SORBS2: variants seen among roughly 807,000 people sequenced by gnomAD.
SORBS2 encodes sorbin and SH3 domain-containing protein 2.
SORBS2 carries 46 observed loss-of-function variants against 97.7 expected under a neutral mutation model. The ratio of observed to expected loss-of-function variants is 0.47; its 90% CI spans 0.37 to 0.60. The LOEUF is 0.60. Ranked by LOEUF, SORBS2 falls within the 20% of genes least tolerant of loss-of-function variation. The pLI, the probability that SORBS2 is intolerant of heterozygous loss-of-function variation, is 0.00. For synonymous variants in SORBS2, 476 were observed against 473.4 expected, an observed-to-expected ratio of 1.01 and a Z score of -0.07; for missense variants, 1,316 against 1,282.3, an observed-to-expected ratio of 1.03 and a Z score of -0.40.
intron 14 of SORBS2, chr4:185,589,004 C>G (rs1292634711): frequency 6.6e-6 from 1 of 152,176 alleles, no homozygotes; most frequent in Non-Finnish European, 1.5e-5. Context: ...CGATGGATGT[C>G]TAGAGTGAGC....
At chr4:185,700,205 TAATTA>T (rs1393920162) in intron 2 of SORBS2, among the ~76,000 whole-genome samples, 6 of 152,218 alleles carry the variant, frequency 3.9e-5, no homozygotes, top group African/African-American at 1.4e-4. Context: ...TTGAAAAATA[TAATTA>T]AATCAATGTC....
intron 1 of SORBS2, among the ~76,000 whole-genome samples, chr4:185,810,556 A>G (rs1035336067): frequency 5.9e-5 from 9 of 152,234 alleles, no homozygotes; most frequent in Non-Finnish European, 1.3e-4. Context: ...TTTCAATAGT[A>G]TTATAAGTGA....
intron 1 of SORBS2, among the ~76,000 whole-genome samples, chr4:185,866,913 T>A (rs1201177820): frequency 8.2e-6 from 1 of 122,330 alleles, no homozygotes; most frequent in African/African-American, 3.3e-5. Context: ...GGACTCTGAG[T>A]TATGAGAAAA....
chr4:185,775,197 A>G (rs2098994185), intron 2 of SORBS2, 30 bp downstream of exon 2: 1 of 152,662 alleles, frequency 6.6e-6, no homozygotes, highest in Non-Finnish European at 1.5e-5. Context: ...CCAGAAAACA[A>G]TTAAATAATT....
chr4:185,827,771 C>CCATCATCACCATCATCACCATCAT, intron 1 of SORBS2, among the ~76,000 whole-genome samples: 1 of 47,856 alleles, frequency 2.1e-5, no homozygotes, highest in Non-Finnish European at 4.5e-5. Context: ...ATCATCATCA[C>CCATCATCACCATCATCACCATCAT]CATCACCATC....
rs561978421 is a variant in SORBS2, at chr4:185,862,710, C to T, written c.-337-87344G>A. ...ACATATTTCCTGGATGAATGTTCCA[C>T]GTTACATGATCATTTTTGCCCTGGT... On this transcript the variant is annotated intron_variant, in intron 1 of 20. Coordinates refer to the SORBS2 transcript ENST00000284776. 1.6e-4 allele frequency among the ~76,000 whole-genome samples: 24 copies of T among 152,334 alleles called. 1 individual carries two copies. Among genetic ancestry groups the T allele is most frequent in the East Asian group, 7.7e-4 (4 of 5,188 alleles).
At chr4:185,755,725 T>A (rs1288414563) in intron 2 of SORBS2, among the ~76,000 whole-genome samples, 2 of 152,228 alleles carry the variant, frequency 1.3e-5, no homozygotes, top group African/African-American at 4.8e-5. Context: ...GACTCTCTTA[T>A]CACTCAGCAT....
intron 13 of SORBS2, chr4:185,592,204 C>T (rs1291143227): frequency 6.6e-6 from 1 of 152,614 alleles, no homozygotes; most frequent in Non-Finnish European, 1.5e-5. Flanking sequence ...CACTAAAACT[C>T]TGAATTGTAG....
intron 2 of SORBS2, among the ~76,000 whole-genome samples, chr4:185,742,067 A>G (rs2098730700): frequency 2.0e-5 from 3 of 152,036 alleles, no homozygotes; most frequent in African/African-American, 7.2e-5. Context: ...ATTATTTCTG[A>G]TTGGACTTGT....
chr4:185,731,606 CTCTCTCTCCCTCCCTGCCTA>C (rs1220424203), intron 2 of SORBS2, among the ~76,000 whole-genome samples: 3 of 119,828 alleles, frequency 2.5e-5, no homozygotes, highest in African/African-American at 1.0e-4. Context: ...CTGCCTATCT[CTCTCTCTCCCTCCCTGCCTA>C]TCTCTCTCCC....
rs2097928766 is a variant in SORBS2, at chr4:185,685,031, C to A, written c.-197-6209G>T. ...CTAAAACAAACAAAACGAAACAAAA[C>A]AAAAGAAGACCAGGGATCTGTCTTA... On this transcript the variant is annotated intron_variant, in intron 2 of 20. Coordinates refer to the SORBS2 transcript ENST00000284776. Among the ~76,000 whole-genome samples the A allele has an allele frequency of 6.6e-6, 1 of 152,152 alleles. No individual in the cohort carries two copies. The highest frequency in any genetic ancestry group is 2.4e-5 in the African/African-American group (1 of 41,420).
At chr4:185,751,103 A>C (rs984468337) in intron 2 of SORBS2, among the ~76,000 whole-genome samples, 1 of 149,498 alleles carries the variant, frequency 6.7e-6, no homozygotes, top group African/African-American at 2.5e-5. Flanking sequence ...TCAACAAATC[A>C]TAGAGGAATT....
intron 1 of SORBS2, among the ~76,000 whole-genome samples, chr4:185,913,910 T>C (rs2099256700): frequency 6.6e-6 from 1 of 152,210 alleles, no homozygotes; most frequent in African/African-American, 2.4e-5. Flanking sequence ...ATGTGGGACA[T>C]GGTTAGCTCT....
chr4:185,811,169 T>C (rs2099181456), intron 1 of SORBS2: 1 of 152,182 alleles, frequency 6.6e-6, no homozygotes, highest in African/African-American at 2.4e-5. Flanking sequence ...CAAAATCCAC[T>C]GGCTATTATG....
At chr4:185,641,239 T>C in intron 4 of SORBS2, among the ~76,000 whole-genome samples, 2 of 152,254 alleles carry the variant, frequency 1.3e-5, no homozygotes, top group South Asian at 4.2e-4. Context: ...AGTCAATTTA[T>C]AGTTACAATG....
At chr4:185,591,272 C>T (rs561602149) in intron 13 of SORBS2, among the ~76,000 whole-genome samples, 31 of 152,280 alleles carry the variant, frequency 2.0e-4, no homozygotes, top group African/African-American at 7.5e-4. Flanking sequence ...ACATTAGAGG[C>T]TTCTTCTCCT....
intron 1 of SORBS2, among the ~76,000 whole-genome samples, chr4:185,908,041 G>A (rs567535618): frequency 5.9e-5 from 9 of 152,008 alleles, no homozygotes; most frequent in Admixed American, 3.3e-4. Context: ...ATCGGGCAGA[G>A]CCATGCTGAG....
intron 2 of SORBS2, chr4:185,690,562 C>T (rs568272293): frequency 2.6e-6 from 4 of 1,524,716 alleles, no homozygotes; most frequent in African/African-American, 2.8e-5. Context: ...GACAGCATAC[C>T]TGTGTTCATT....
At chr4:185,801,530 G>A (rs1020954834) in intron 1 of SORBS2, among the ~76,000 whole-genome samples, 10 of 152,218 alleles carry the variant, frequency 6.6e-5, no homozygotes, top group Admixed American at 5.9e-4. Context: ...GTGAGGTGGT[G>A]TCTCACTGTG....
Sources: gnomAD v4.1 joint callset for allele counts (sites outside exome capture counted in the v4.1 genomes callset) on GRCh38, gnomAD v4.1.1 for gene constraint, MANE v1.5 for transcripts, NCBI Gene and HGNC (gene_info 2026-07-23, HGNC 2026-07-21) for gene names.